RYR3: variants seen among roughly 807,000 people sequenced by gnomAD.
RYR3 encodes the protein ryanodine receptor 3, also known as brain ryanodine receptor-calcium release channel.
Under a neutral mutation model 584.3 loss-of-function variants are expected in RYR3, and 207 were observed. The ratio of observed to expected loss-of-function variants is 0.35; its 90% CI spans 0.32 to 0.40. The LOEUF is 0.40. Among genes scored for constraint, RYR3 ranks in the 10% least tolerant of loss-of-function variants. RYR3 has a pLI of 1.00. For missense variants in RYR3, 5,616 were observed against 6,089.2 expected (o/e 0.92, Z 2.59); for synonymous variants, 2,416 against 2,248.5 (o/e 1.07, Z -2.11).
intron 2 of RYR3, among the ~76,000 whole-genome samples, chr15:33,490,576 A>G (rs942646517): frequency 5.1e-4 from 78 of 152,106 alleles, no homozygotes; most frequent in Non-Finnish European, 3.2e-4. Context: ...TTGAATTATT[A>G]CCCTAATAAG....
At position 33,459,338 on chromosome 15, in the gene RYR3, C is replaced by T. The variant is rs184849707; in HGVS notation, c.52-14081C>T. Among the ~76,000 whole-genome samples, 156 of 152,308 alleles carry T rather than the reference C, an allele frequency of 1.0e-3. 1 individual carries two copies. The highest frequency in any genetic ancestry group is 3.6e-3 in the African/African-American group (150 of 41,570). The stretch of plus-strand genomic sequence containing the variant: ...CACCCGGACAAGCAAGGATTTGTAT[C>T]CTGGAGACCTGGGGTTCCCTTTTGC... On this transcript the variant is annotated intron_variant, in intron 1 of 103. Coordinates refer to ENST00000634891, the MANE Select transcript of RYR3 (RefSeq NM_001036.6).
At chr15:33,618,169 T>G (rs1226534926) in intron 19 of RYR3, among the ~76,000 whole-genome samples, 1 of 152,206 alleles carries the variant, frequency 6.6e-6, no homozygotes, top group Non-Finnish European at 1.5e-5. Flanking sequence ...AATTTTTTTT[T>G]GCAGAAAATT....
At chr15:33,578,513 A>C (rs966910132) in intron 12 of RYR3, among the ~76,000 whole-genome samples, 13 of 152,206 alleles carry the variant, frequency 8.5e-5, no homozygotes, top group African/African-American at 3.1e-4. Context: ...GGGAACAGAA[A>C]ACAAAGCACC....
At chr15:33,565,614 A>G (rs1383219052) in intron 11 of RYR3, among the ~76,000 whole-genome samples, 1 of 141,396 alleles carries the variant, frequency 7.1e-6, no homozygotes, top group Non-Finnish European at 1.6e-5. Flanking sequence ...GTTGACATGT[A>G]GACTTCCAGG....
intron 95 of RYR3, 138 bp downstream of exon 95, chr15:33,853,225 G>A (rs2079289499): frequency 1.1e-6 from 1 of 913,206 alleles, no homozygotes; most frequent in Non-Finnish European, 1.6e-6. Context: ...GTCACAGAAG[G>A]GGTTGGATAT....
chr15:33,682,747 C>T (rs749921192), intron 38 of RYR3, among the ~76,000 whole-genome samples: 4 of 152,168 alleles, frequency 2.6e-5, no homozygotes, highest in Non-Finnish European at 5.9e-5. Context: ...ACCGAACCAT[C>T]GAGTGCACTT....
At chr15:33,547,555 A>G (rs2056339951) in intron 8 of RYR3, among the ~76,000 whole-genome samples, 1 of 152,320 alleles carries the variant, frequency 6.6e-6, no homozygotes, top group East Asian at 1.9e-4. Flanking sequence ...TTTTTCTAAA[A>G]TAAAAATTTT....
At chr15:33,326,291 C>T (rs570432505) in intron 1 of RYR3, among the ~76,000 whole-genome samples, 3 of 152,156 alleles carry the variant, frequency 2.0e-5, no homozygotes, top group Non-Finnish European at 4.4e-5. Context: ...TTCATCCGTC[C>T]ATCCACCCAT....
chr15:33,783,040 G>A (rs1022758157), intron 65 of RYR3, among the ~76,000 whole-genome samples: 3 of 152,094 alleles, frequency 2.0e-5, no homozygotes, highest in Admixed American at 2.0e-4. Flanking sequence ...CAATTCTAAT[G>A]TAAGCCATCT....
intron 55 of RYR3, 25 bp from the exon 56 acceptor site, chr15:33,749,954 C>T: frequency 6.2e-7 from 1 of 1,603,984 alleles, no homozygotes; most frequent in East Asian, 2.2e-5. Flanking sequence ...TTCTTTTTGA[C>T]TTGGCTCTTC....
intron 18 of RYR3, among the ~76,000 whole-genome samples, chr15:33,607,780 T>G (rs964312065): frequency 2.0e-5 from 3 of 152,320 alleles, no homozygotes; most frequent in African/African-American, 7.2e-5. Context: ...TTTTCTACTG[T>G]TAGCCTAATA....
chr15:33,560,324 A>C lies in RYR3; in HGVS notation c.973-2513A>C, dbSNP rs1257111625. On this transcript the variant is annotated intron_variant, in intron 10 of 103. Coordinates refer to ENST00000634891, the MANE Select transcript of RYR3 (RefSeq NM_001036.6). ...CTGTTCTATTACATTAGAAGTGCCCACTGCAGTGACTGCCGTAGAATTTGG... is the reference window on the plus strand; with the variant it reads ...CTGTTCTATTACATTAGAAGTGCCCCCTGCAGTGACTGCCGTAGAATTTGG... Among the ~76,000 whole-genome samples the C allele has an allele frequency of 2.0e-5, 3 of 152,226 alleles. No homozygotes were observed. In the East Asian group the frequency reaches 5.8e-4, roughly 29 times the overall value.
chr15:33,316,740 TTG>T, intron 1 of RYR3, among the ~76,000 whole-genome samples: 1 of 152,324 alleles, frequency 6.6e-6, no homozygotes, highest in African/African-American at 2.4e-5. Context: ...AGTCAATAAG[TTG>T]TGTTTCATAG....
intron 3 of RYR3, among the ~76,000 whole-genome samples, chr15:33,524,230 A>G (rs1390059163): frequency 1.3e-5 from 2 of 152,160 alleles, no homozygotes; most frequent in Admixed American, 1.3e-4. Context: ...CCAAATGGCT[A>G]TTTCATTTTC....
chr15:33,700,412 T>G (rs1007566212), intron 41 of RYR3, among the ~76,000 whole-genome samples: 4 of 152,252 alleles, frequency 2.6e-5, no homozygotes, highest in Admixed American at 2.6e-4. Context: ...AATGAATGTG[T>G]GTAATACACA....
At chr15:33,337,082 A>AAAAAG (rs1971204225) in intron 1 of RYR3, among the ~76,000 whole-genome samples, 4 of 139,548 alleles carry the variant, frequency 2.9e-5, no homozygotes, top group East Asian at 2.1e-4. Context: ...AAAAAAAAAA[A>AAAAAG]GTTTATAAAA....
At chr15:33,563,345 A>G (rs1011958185) in intron 11 of RYR3, among the ~76,000 whole-genome samples, 3 of 152,222 alleles carry the variant, frequency 2.0e-5, no homozygotes, top group African/African-American at 7.2e-5. Flanking sequence ...TTCAGTGGAT[A>G]ATTGAGTTAT....
chr15:33,837,941 C>T lies in RYR3; in HGVS notation c.11961C>T (p.Ala3987=), dbSNP rs756140226. ...VDFVDRFHEP[A]KDIGFNVAVL... ...TTGTAGACCGGTTCCATGAGCCAGC[C>T]AAGGACATAGGGTTTAATGTGGCTG... The change falls in exon 89 of 104, where the codon GCC becomes GCT. Residue 3987 remains alanine (A), a synonymous_variant. Coordinates refer to ENST00000634891, the MANE Select transcript of RYR3 (RefSeq NM_001036.6). 142 of 1,613,816 alleles carry T rather than the reference C, an allele frequency of 8.8e-5. No individual in the cohort carries two copies. The highest frequency in any genetic ancestry group is 1.2e-4 in the Non-Finnish European group (140 of 1,179,888).
Position 33,391,674 on chromosome 15 carries a change from G to A in RYR3, c.51+80578G>A, listed in dbSNP as rs143282638. Among the ~76,000 whole-genome samples the A allele has an allele frequency of 1.8e-4, 27 of 151,856 alleles. No homozygotes were observed. The South Asian group carries it at 3.5e-3, about 20-fold the overall frequency. On this transcript the variant is annotated intron_variant, in intron 1 of 103. Coordinates refer to ENST00000634891, the MANE Select transcript of RYR3 (RefSeq NM_001036.6). Reference sequence around the variant, plus strand: ...TTTGAAGGGCTGGACCAAATAGGCCGAATAAATAAATCATTAGCTGAGTAA... The same window carrying A: ...TTTGAAGGGCTGGACCAAATAGGCCAAATAAATAAATCATTAGCTGAGTAA...
Sources: allele counts gnomAD v4.1 joint callset (sites outside exome capture counted in the v4.1 genomes callset), GRCh38; gene constraint gnomAD v4.1.1; transcripts MANE v1.5; gene names NCBI Gene and HGNC (gene_info 2026-07-23, HGNC 2026-07-21).